GRIP2: variants seen among roughly 807,000 people sequenced by gnomAD.
The protein encoded by GRIP2 is glutamate receptor-interacting protein 2.
Under a neutral mutation model 108.3 loss-of-function variants are expected in GRIP2, and 58 were observed. The observed-to-expected ratio is 0.54, with a 90% CI of 0.43 to 0.67. The LOEUF (loss-of-function observed/expected upper bound fraction) is 0.67, where lower values mean the gene tolerates loss of function less well. Among genes scored for constraint, GRIP2 ranks in the 30% least tolerant of loss-of-function variants. The pLI, the probability that GRIP2 is intolerant of heterozygous loss-of-function variation, is 0.00. For missense variants in GRIP2, 1,278 were observed against 1,430.6 expected, an observed-to-expected ratio of 0.89 and a Z score of 1.72; for synonymous variants, 586 against 598.2, an observed-to-expected ratio of 0.98 and a Z score of 0.30.
the GRIP2 span, among the ~76,000 whole-genome samples, chr3:14,583,342 T>C: frequency 6.6e-6 from 1 of 152,152 alleles, no homozygotes; most frequent in African/African-American, 2.4e-5. Context: ...GGTCAAACCA[T>C]CATGAGAGAT....
chr3:14,550,149 G>T (rs1413417416), intron 1 of GRIP2, among the ~76,000 whole-genome samples: 1 of 152,198 alleles, frequency 6.6e-6, no homozygotes, highest in Admixed American at 6.5e-5. Flanking sequence ...CTGCCTGGCA[G>T]CTGAGCCCCC....
Position 14,506,997 on chromosome 3 carries a change from G to A in GRIP2, c.2219-17C>T. 6.3e-7 allele frequency: 1 copy of A among 1,578,040 alleles called. No individual in the cohort carries two copies. The highest frequency in any genetic ancestry group is 8.6e-7 in the Non-Finnish European group (1 of 1,160,814). ...GGAGGGGACCTGGGAGGAGAGAGGG[G>A]TGTCAATTCTGACTTCAGAGACACT... On this transcript the variant is annotated splice_polypyrimidine_tract_variant and intron_variant, in intron 18 of 23. Transcript: ENST00000621039.
At chr3:14,531,565 C>A (rs1194102815) in intron 1 of GRIP2, among the ~76,000 whole-genome samples, 2 of 152,176 alleles carry the variant, frequency 1.3e-5, no homozygotes, top group East Asian at 1.9e-4. Flanking sequence ...ACTCACAGAT[C>A]CTGCAGCAGC....
chr3:14,501,802 A>G (rs9831121), intron 21 of GRIP2, among the ~76,000 whole-genome samples: 15,146 of 152,188 alleles, frequency 0.1, 1,273 homozygotes, highest in African/African-American at 0.23. Flanking sequence ...CATATCACTT[A>G]GGTAATAATA....
At chr3:14,565,069 G>A in the GRIP2 span, among the ~76,000 whole-genome samples, 1 of 152,224 alleles carries the variant, frequency 6.6e-6, no homozygotes, top group Non-Finnish European at 1.5e-5. Context: ...GTGCCAGGGG[G>A]TCTGCCCAGC....
intron 1 of GRIP2, among the ~76,000 whole-genome samples, chr3:14,532,369 C>A (rs1694731261): frequency 6.6e-6 from 1 of 151,888 alleles, no homozygotes; most frequent in South Asian, 2.1e-4. Flanking sequence ...AGCGTCAGGG[C>A]TCAGCCAGAA....
Position 14,511,581 on chromosome 3 carries a change from C to G in GRIP2, c.1721-102G>C. On this transcript the variant is annotated intron_variant, in intron 14 of 23. Transcript: ENST00000621039. The surrounding 1 kb of genome is among the most constrained non-coding windows in gnomAD (Gnocchi z 4.1). ...TGTGGACTCGGAGCCACTGGTCCTA[C>G]TCACATCCTGGTCCCACTGCTTCCT... The G allele has an allele frequency of 1.8e-6, 2 of 1,099,344 alleles. No homozygotes were observed. Among genetic ancestry groups the G allele is most frequent in the Non-Finnish European group, 2.7e-6 (2 of 740,892 alleles). 68.1% of individuals were successfully genotyped at this position (1,099,344 alleles called of 1,614,324 possible). A position where few individuals can be genotyped will look rare whatever the true frequency, so the allele number is the denominator to read the frequency against.
chr3:14,568,130 G>A, the GRIP2 span, among the ~76,000 whole-genome samples: 2 of 152,348 alleles, frequency 1.3e-5, no homozygotes, highest in East Asian at 3.9e-4. Context: ...GAGGACTTTG[G>A]TCTTCCTCAG....
At chr3:14,587,984 A>G in the GRIP2 span, among the ~76,000 whole-genome samples, 1 of 152,254 alleles carries the variant, frequency 6.6e-6, no homozygotes, top group South Asian at 2.1e-4. Context: ...CTATATTTGC[A>G]TATCATGCAC....
At chr3:14,554,659 A>T (rs1169115342) in intron 1 of GRIP2, among the ~76,000 whole-genome samples, 1 of 137,406 alleles carries the variant, frequency 7.3e-6, no homozygotes, top group African/African-American at 2.7e-5. Flanking sequence ...ACCCACCCCC[A>T]TCCCCGCCAC....
At position 14,503,630 on chromosome 3, in the gene GRIP2, A is replaced by C. The variant is rs372945751; in HGVS notation, c.2615T>G (p.Met872Arg). The C allele has an allele frequency of 6.3e-7, 1 of 1,585,094 alleles. No individual in the cohort carries two copies. Among genetic ancestry groups the C allele is most frequent in the Non-Finnish European group, 8.6e-7 (1 of 1,163,276 alleles). Reference protein sequence around the residue: ...GPAREEGFWRMFGEALEDLES... With the variant: ...GPAREEGFWRRFGEALEDLES... Reference sequence around the variant, plus strand: ...CAGGTCTTCGAGAGCTTCTCCAAACATGCGCCAGAAGCCCTCCTCTCGGGC... The same window carrying C: ...CAGGTCTTCGAGAGCTTCTCCAAACCTGCGCCAGAAGCCCTCCTCTCGGGC... Residue 872 changes from methionine (M) to arginine (R), a missense_variant, in exon 21 of 24, where the codon ATG becomes AGG. Transcript: ENST00000621039.
chr3:14,549,691 T>G (rs1014979158), intron 1 of GRIP2, among the ~76,000 whole-genome samples: 1 of 152,282 alleles, frequency 6.6e-6, no homozygotes, highest in Middle Eastern at 3.4e-3. Context: ...CAGCTGGCAC[T>G]CTACAGATTT....
chr3:14,596,769 G>A, the GRIP2 span, among the ~76,000 whole-genome samples: 1 of 151,434 alleles, frequency 6.6e-6, no homozygotes, highest in Non-Finnish European at 1.5e-5. Context: ...CAGTTGTATA[G>A]ATTTTTTTTT....
Position 14,525,883 on chromosome 3 carries a change from ACGT to A in GRIP2, c.86_88del (p.Asp29del). 1 of 1,561,112 alleles carries A rather than the reference ACGT, an allele frequency of 6.4e-7. No individual in the cohort carries two copies. The highest frequency in any genetic ancestry group is 8.7e-7 in the Non-Finnish European group (1 of 1,152,472). Reference sequence around the variant, plus strand: ...GCTCTGTCTGCGGCACGCCAGGGAAACGTCGGCCCCTCCTGCGTCCTTGCCTCC... The same window carrying A: ...GCTCTGTCTGCGGCACGCCAGGGAAACGGCCCCTCCTGCGTCCTTGCCTCC... On this transcript the variant is annotated inframe_deletion, in exon 2 of 24. Coordinates refer to ENST00000621039, the MANE Select transcript of GRIP2 (RefSeq NM_001080423.4).
At chr3:14,551,107 G>A (rs528141290) in intron 1 of GRIP2, among the ~76,000 whole-genome samples, 5 of 152,266 alleles carry the variant, frequency 3.3e-5, no homozygotes, top group Non-Finnish European at 4.4e-5. Flanking sequence ...GGAGGAACAC[G>A]GACCTGCCAA....
intron 9 of GRIP2, among the ~76,000 whole-genome samples, chr3:14,519,397 G>A (rs539774631): frequency 3.9e-5 from 6 of 152,270 alleles, no homozygotes; most frequent in Admixed American, 2.6e-4. Context: ...CTTTATCTCC[G>A]TCAGCCTCCC....
upstream of GRIP2, among the ~76,000 whole-genome samples, chr3:14,544,827 G>A (rs148907459): frequency 1.3e-3 from 201 of 152,312 alleles, 1 homozygote; most frequent in South Asian, 8.5e-3. Flanking sequence ...GCTCAGTCTG[G>A]GATTCCACCA....
At position 14,514,465 on chromosome 3, in the gene GRIP2, G is replaced by A; in HGVS notation, c.1320C>T (p.Ser440=). 1 of 1,573,348 alleles carries A rather than the reference G, an allele frequency of 6.4e-7. No individual in the cohort carries two copies. Among genetic ancestry groups the A allele is most frequent in the Non-Finnish European group, 8.6e-7 (1 of 1,160,768 alleles). The change falls in exon 12 of 24, where the codon TCC becomes TCT. Residue 440 remains serine, a synonymous_variant. Transcript: ENST00000621039. ...TCTGCCCGCCCGGCCCCACCGTGCT[G>A]GAGGCTAGCGACACTGTAGGACAGG... is the stretch of plus-strand genomic sequence containing the variant. ...REHKSSLSLA[S]STVGPGGQIV... is the part of the protein sequence containing the mutation.
chr3:14,576,471 A>T, the GRIP2 span, among the ~76,000 whole-genome samples: 1 of 152,230 alleles, frequency 6.6e-6, no homozygotes, highest in African/African-American at 2.4e-5. Context: ...TTGAAAGGCC[A>T]GTGAGCAAGG....
Sources: allele counts gnomAD v4.1 joint callset (sites outside exome capture counted in the v4.1 genomes callset), GRCh38; gene constraint gnomAD v4.1.1; non-coding constraint Gnocchi (gnomAD v3.1); transcripts MANE v1.5; gene names NCBI Gene and HGNC (gene_info 2026-07-23, HGNC 2026-07-21).